Variants in SUN1 observed in about 807,000 individuals in gnomAD.
SUN1 encodes Sad1 and UNC84 domain containing 1.
SUN1 carries 61 observed loss-of-function variants against 103.2 expected under a neutral mutation model. That is an observed-to-expected ratio of 0.59 (90% confidence interval 0.48 to 0.73). The LOEUF is 0.73. Among genes scored for constraint, SUN1 ranks in the 30% least tolerant of loss-of-function variants. SUN1 has a pLI of 0.00. For missense variants in SUN1, 1,052 were observed against 1,034.6 expected (o/e 1.02, Z -0.23); for synonymous variants, 490 against 425.7 (o/e 1.15, Z -1.86).
intron 1 of SUN1, chr7:816,807 C>T (rs1032844659): frequency 6.7e-6 from 1 of 148,518 alleles, no homozygotes; most frequent in African/African-American, 2.4e-5. Flanking sequence ...TGCGCCAGGG[C>T]CTCCTGGGCC....
intron 2 of SUN1, among the ~76,000 whole-genome samples, chr7:840,289 C>T (rs1808045482): frequency 6.6e-6 from 1 of 152,254 alleles, no homozygotes; most frequent in African/African-American, 2.4e-5. Flanking sequence ...CATGATGCAG[C>T]TGAGGACCAG....
At chr7:851,145 G>T (rs1182190355) in intron 5 of SUN1, 1 of 321,416 alleles carries the variant, frequency 3.1e-6, no homozygotes, top group African/African-American at 2.1e-5. Flanking sequence ...TGAAGTATCT[G>T]CAGGCAGAAG....
At chr7:848,758 G>GA in intron 5 of SUN1, 1 of 454,052 alleles carries the variant, frequency 2.2e-6, no homozygotes, top group Non-Finnish European at 3.6e-6. Context: ...TCCCCCTCTG[G>GA]ATCTTGCATC....
intron 12 of SUN1, 98 bp downstream of exon 12, chr7:856,499 C>T: frequency 1.4e-6 from 2 of 1,424,920 alleles, no homozygotes; most frequent in Non-Finnish European, 2.0e-6. Context: ...CGGGGCCGGC[C>T]TCCCCCGAGG....
chr7:851,495 G>T lies in SUN1; in HGVS notation c.757+13G>T. The T allele has an allele frequency of 1.3e-6, 2 of 1,593,910 alleles. No homozygotes were observed. Among genetic ancestry groups the T allele is most frequent in the African/African-American group, 1.3e-5 (1 of 74,694 alleles). On this transcript the variant is annotated intron_variant, in intron 6 of 18. Coordinates refer to ENST00000401592, the MANE Select transcript of SUN1 (RefSeq NM_001130965.3). ...GTGGTTGCTCCAGGTGGCTATTTTG[G>T]GTTTCTGTGTTGCGTTCTCTCCAGA...
intron 2 of SUN1, among the ~76,000 whole-genome samples, chr7:841,190 C>T (rs966931581): frequency 6.6e-6 from 1 of 151,788 alleles, no homozygotes; most frequent in African/African-American, 2.4e-5. Context: ...GCCCCAGCCT[C>T]CCAAAGTGCT....
At chr7:817,392 G>C in intron 1 of SUN1, 1 of 1,534,070 alleles carries the variant, frequency 6.5e-7, no homozygotes. Context: ...CGCCTTCAAA[G>C]TGCCCAGAAT....
chr7:855,739 T>C (rs1441608729), intron 11 of SUN1, among the ~76,000 whole-genome samples: 1 of 151,900 alleles, frequency 6.6e-6, no homozygotes, highest in Non-Finnish European at 1.5e-5. Context: ...TGCGAGGGTC[T>C]GCGGGGCGCC....
chr7:821,259 T>A (rs1288450467), intron 1 of SUN1, among the ~76,000 whole-genome samples: 1 of 135,774 alleles, frequency 7.4e-6, no homozygotes, highest in Non-Finnish European at 1.5e-5. Context: ...AACCTCTGCC[T>A]CCCATGTTCA....
At chr7:852,356 T>C in intron 7 of SUN1, 1 of 602,690 alleles carries the variant, frequency 1.7e-6, no homozygotes, top group Non-Finnish European at 2.9e-6. Flanking sequence ...AAGGCTGTGA[T>C]CCGAAGGGGC....
At chr7:832,180 C>T, upstream of SUN1, 1 of 821,308 alleles carries the variant, frequency 1.2e-6, no homozygotes, top group East Asian at 7.0e-5. Context: ...GATTTAAAAA[C>T]ACATCTTGAA....
intron 1 of SUN1, among the ~76,000 whole-genome samples, chr7:836,050 C>T (rs1339204865): frequency 2.0e-5 from 3 of 152,228 alleles, no homozygotes; most frequent in South Asian, 2.1e-4. Context: ...AGAGCCTCCA[C>T]GGGGCAAGGA....
upstream of SUN1, among the ~76,000 whole-genome samples, chr7:831,618 T>C (rs916247178): frequency 1.3e-5 from 2 of 152,228 alleles, no homozygotes; most frequent in Non-Finnish European, 2.9e-5. Context: ...TCGATACTTG[T>C]AGGTGTAGTA....
At chr7:816,534 G>T (rs1780550024), upstream of SUN1, 2 of 352,150 alleles carry the variant, frequency 5.7e-6, no homozygotes, top group Non-Finnish European at 5.5e-6. Context: ...AACGCTTCGG[G>T]TGGCGCGCTC....
chr7:853,607 C>T lies in SUN1; in HGVS notation c.1252C>T (p.Pro418Ser). 1.9e-6 allele frequency: 3 copies of T among 1,602,406 alleles called. No homozygotes were observed. The highest frequency in any genetic ancestry group is 1.1e-5 in the South Asian group (1 of 90,998). The change falls in exon 10 of 19, where the codon CCC becomes TCC. Residue 418 changes from proline to serine, a missense_variant. Physicochemically the swap from Pro to Ser is moderately conservative, Grantham distance 74. Transcript: ENST00000401592. ...SASVRDAVGQ[P>S]PRETDFMAFH... ...TTCGGTCAGAGACGCTGTGGGACAG[C>T]CCCCGAGGGAGGTGGGTGCTGCCGG...
rs1229978450 is a variant in SUN1, at chr7:851,384, G to A, written c.659G>A (p.Cys220Tyr). Reference protein sequence around the residue: ...RVYSRDRNQKCYFLLQILRRI... With the variant: ...RVYSRDRNQKYYFLLQILRRI... Reference sequence around the variant, plus strand: ...GGCCACACACGTCTTCCCTGCACAGGTTACTTCTTGCTGCAGATTCTGCGC... The same window carrying A: ...GGCCACACACGTCTTCCCTGCACAGATTACTTCTTGCTGCAGATTCTGCGC... Residue 220 changes from cysteine (C) to tyrosine (Y), a missense_variant and splice_region_variant, in exon 6 of 19, where the codon TGT becomes TAT. Cys to Tyr is a radical substitution (Grantham distance 194, BLOSUM62 -2). This residue lies in a region of SUN1 where 846 missense variants were observed against 774.5 expected (regional missense o/e 1.09). Coordinates refer to ENST00000401592, the MANE Select transcript of SUN1 (RefSeq NM_001130965.3). 3.8e-6 allele frequency: 6 copies of A among 1,597,736 alleles called. No homozygotes were observed. Among genetic ancestry groups the A allele is most frequent in the South Asian group, 1.1e-5 (1 of 88,180 alleles).
rs117961822 is a variant in SUN1, at chr7:823,114, C to T, written c.-74+6441C>T. On this transcript the variant is annotated intron_variant, in intron 1 of 17. Coordinates refer to the SUN1 transcript ENST00000389574. ...GAGGATTGTCAGCTTAGTGGCAAAG[C>T]GAGCAGGGTGCGTGGCGTGGAGAGC... Among the ~76,000 whole-genome samples the T allele has an allele frequency of 5.3e-3, 805 of 152,358 alleles. 3 individuals carry two copies. Among genetic ancestry groups the T allele is most frequent in the Non-Finnish European group, 7.9e-3 (537 of 68,038 alleles).
intron 15 of SUN1, among the ~76,000 whole-genome samples, chr7:862,266 G>A (rs1193433503): frequency 6.6e-6 from 1 of 152,234 alleles, no homozygotes; most frequent in Non-Finnish European, 1.5e-5. Flanking sequence ...GTGTGTGGAG[G>A]GGCTGGAGAG....
chr7:823,696 T>A (rs1000517194), intron 1 of SUN1, among the ~76,000 whole-genome samples: 5 of 152,128 alleles, frequency 3.3e-5, no homozygotes, highest in Non-Finnish European at 7.3e-5. Context: ...CAGGTGGTTT[T>A]CTCAAGGATT....
Sources: allele counts gnomAD v4.1 joint callset (sites outside exome capture counted in the v4.1 genomes callset), GRCh38; gene constraint gnomAD v4.1.1; regional missense constraint gnomAD v4.1.1; transcripts MANE v1.5; gene names NCBI Gene and HGNC (gene_info 2026-07-23, HGNC 2026-07-21).